SYT2: variants seen among roughly 807,000 people sequenced by gnomAD.
The protein encoded by SYT2 is synaptotagmin-2.
SYT2 carries 15 observed loss-of-function variants against 39.9 expected under a neutral mutation model. That is an observed-to-expected ratio of 0.38 (90% CI 0.25 to 0.58). The LOEUF (loss-of-function observed/expected upper bound fraction) is 0.58. Ranked by LOEUF, SYT2 falls within the 20% of genes least tolerant of loss-of-function variation. The probability of loss-of-function intolerance (pLI) is 0.70; values close to 1 mark genes in which losing one functional copy is unlikely to be tolerated. For synonymous variants in SYT2, 181 were observed against 204.5 expected (o/e 0.89, Z 0.98); for missense variants, 389 against 530.3 (o/e 0.73, Z 2.62).
At chr1:202,629,338 C>A (rs1042225672) in intron 1 of SYT2, among the ~76,000 whole-genome samples, 1 of 152,174 alleles carries the variant, frequency 6.6e-6, no homozygotes, top group African/African-American at 2.4e-5. Flanking sequence ...AAGGCTTTCC[C>A]CCTCCTCCAG....
intron 1 of SYT2, among the ~76,000 whole-genome samples, chr1:202,680,399 A>G (rs1488706237): frequency 1.3e-5 from 2 of 152,174 alleles, no homozygotes; most frequent in African/African-American, 4.8e-5. Flanking sequence ...ACTGTTGGCC[A>G]GGTATGGAGG....
chr1:202,625,117 TATGTGTGTCGTGTGTGTGGC>T lies in SYT2; in HGVS notation c.-17-19348_-17-19329del, dbSNP rs1691350260. On this transcript the variant is annotated intron_variant, in intron 1 of 8. Transcript: ENST00000367268. Reference sequence around the variant, plus strand: ...TGTGGTATGTGTGTGGTGTGTGTGGTATGTGTGTCGTGTGTGTGGCGTGTAATAGGGTGTGTGGTGTGTCT... The same window carrying T: ...TGTGGTATGTGTGTGGTGTGTGTGGTGTGTAATAGGGTGTGTGGTGTGTCT... Among the ~76,000 whole-genome samples the T allele has an allele frequency of 0.014, 21 of 1,484 alleles. 6 individuals are homozygous for T. The Admixed American group carries it at 0.15, about 10-fold the overall frequency. 1.0% of individuals were successfully genotyped at this position (1,484 alleles called of 152,430 possible).
chr1:202,637,575 G>A (rs1691773906), intron 1 of SYT2, among the ~76,000 whole-genome samples: 1 of 152,226 alleles, frequency 6.6e-6, no homozygotes, highest in South Asian at 2.1e-4. Flanking sequence ...CCGAGCAGTG[G>A]GGAGCAGGTT....
chr1:202,638,119 G>A (rs1490063633), intron 1 of SYT2, among the ~76,000 whole-genome samples: 1 of 152,194 alleles, frequency 6.6e-6, no homozygotes, highest in Non-Finnish European at 1.5e-5. Flanking sequence ...TGCACCCTTT[G>A]TTAAATTGCT....
intron 1 of SYT2, among the ~76,000 whole-genome samples, chr1:202,671,345 C>A (rs1692587006): frequency 6.6e-6 from 1 of 152,220 alleles, no homozygotes; most frequent in Non-Finnish European, 1.5e-5. Flanking sequence ...CAGCACAGCA[C>A]CAGGGCAGCC....
At chr1:202,649,671 C>T (rs998288664) in intron 1 of SYT2, among the ~76,000 whole-genome samples, 4 of 152,198 alleles carry the variant, frequency 2.6e-5, no homozygotes, top group African/African-American at 9.7e-5. Flanking sequence ...GATACAGGTG[C>T]CTCCTTCCTC....
chr1:202,604,702 G>A lies in SYT2; in HGVS notation c.179-81C>T, dbSNP rs1414422425. ...CCCCGTAGCATTGGGAAAAATGGGT[G>A]AGGAATATGACTGCCATCCCACAAT... On this transcript the variant is annotated intron_variant, in intron 2 of 8. Coordinates refer to ENST00000367268, the MANE Select transcript of SYT2 (RefSeq NM_177402.5). 7 of 1,409,906 alleles carry A rather than the reference G, an allele frequency of 5.0e-6. No individual in the cohort carries two copies. In the African/African-American group the frequency reaches 5.7e-5, roughly 11 times the overall value. The allele number at this position is 1,409,906 out of a possible 1,614,324, so 87.3% of individuals were successfully genotyped here.
At chr1:202,622,438 C>T (rs1691227561) in intron 1 of SYT2, among the ~76,000 whole-genome samples, 1 of 152,142 alleles carries the variant, frequency 6.6e-6, no homozygotes, top group Admixed American at 6.5e-5. Context: ...CTTGACTGGC[C>T]CTGGGGAAGC....
In SYT2 at chr1:202,594,396, G is replaced by A. The variant is rs1690219340; in HGVS notation, c.*2361C>T. 6.6e-6 allele frequency: 1 copy of A among 152,244 alleles called. No homozygotes were observed. The highest frequency in any genetic ancestry group is 1.5e-5 in the Non-Finnish European group (1 of 68,082). The allele number at this position is 152,244 out of a possible 1,614,324, so 9.4% of individuals were successfully genotyped here. A position where few individuals can be genotyped will look rare whatever the true frequency, so the allele number is the denominator to read the frequency against. ...ATCCAGGTGGTAGAAGATGAATTGG[G>A]AAAGGGCAAAGGAGTAAAGGTAGAG... On this transcript the variant is annotated 3_prime_UTR_variant, in exon 9 of 9. Coordinates refer to ENST00000367268, the MANE Select transcript of SYT2 (RefSeq NM_177402.5).
At chr1:202,709,619 T>A (rs548550871) in intron 1 of SYT2, among the ~76,000 whole-genome samples, 1 of 152,204 alleles carries the variant, frequency 6.6e-6, no homozygotes, top group Admixed American at 6.5e-5. Flanking sequence ...TAGGTCGTGC[T>A]GAGTCATGAG....
rs1692258099 is a variant in SYT2 at position 202,655,148 on chromosome 1, C to A, written c.-17-49359G>T. Among the ~76,000 whole-genome samples the A allele has an allele frequency of 2.0e-5, 3 of 152,098 alleles. No individual in the cohort carries two copies. In the South Asian group the frequency reaches 6.2e-4, roughly 32 times the overall value. On this transcript the variant is annotated intron_variant, in intron 1 of 8. Transcript: ENST00000367268. ...TGTCAAAGTGGAGTCGCTGAACATG[C>A]AGATAGGTGAGCAAGTGGGCTTAGA...
chr1:202,599,399 G>T lies in SYT2; in HGVS notation c.920-48C>A. ...CCAGAGAGGTTCCCCTTAGCCCCCA[G>T]CCTTCCTGCCGAATGTACCAAGGCC... On this transcript the variant is annotated intron_variant, in intron 7 of 8. Coordinates refer to ENST00000367268, the MANE Select transcript of SYT2 (RefSeq NM_177402.5). The surrounding 1 kb of genome is among the most constrained non-coding windows in gnomAD (Gnocchi z 4.4). 6.4e-7 allele frequency: 1 copy of T among 1,550,658 alleles called. No individual in the cohort carries two copies. The highest frequency in any genetic ancestry group is 1.3e-5 in the South Asian group (1 of 78,894).
intron 1 of SYT2, among the ~76,000 whole-genome samples, chr1:202,681,453 G>A (rs1048871965): frequency 3.9e-5 from 6 of 152,186 alleles, no homozygotes; most frequent in Non-Finnish European, 7.4e-5. Flanking sequence ...CCATGGCCCC[G>A]CTGGCAGCAG....
At chr1:202,653,202 T>G (rs1194361580) in intron 1 of SYT2, among the ~76,000 whole-genome samples, 2 of 152,152 alleles carry the variant, frequency 1.3e-5, no homozygotes, top group East Asian at 3.9e-4. Flanking sequence ...CCAACTCTCA[T>G]GCCTCTGTCC....
chr1:202,649,536 G>A (rs1558448412), intron 1 of SYT2, among the ~76,000 whole-genome samples: 2 of 152,184 alleles, frequency 1.3e-5, no homozygotes, highest in Admixed American at 6.5e-5. Flanking sequence ...GAAAACTGAG[G>A]TAAAGAGAGG....
chr1:202,676,466 C>G (rs1340593827), intron 1 of SYT2, among the ~76,000 whole-genome samples: 2 of 152,140 alleles, frequency 1.3e-5, no homozygotes, highest in Admixed American at 6.5e-5. Flanking sequence ...GCATGCAGAC[C>G]CTCATTCAAT....
intron 1 of SYT2, among the ~76,000 whole-genome samples, chr1:202,671,830 G>GC (rs1210526013): frequency 6.6e-6 from 1 of 152,128 alleles, no homozygotes; most frequent in Non-Finnish European, 1.5e-5. Context: ...CCCTAAGAAT[G>GC]CCCCCAGGCA....
At chr1:202,620,799 C>T (rs1161382583) in intron 1 of SYT2, among the ~76,000 whole-genome samples, 7 of 152,182 alleles carry the variant, frequency 4.6e-5, no homozygotes, top group African/African-American at 9.6e-5. Context: ...TGGGGTGAGA[C>T]GACCTCGCAC....
intron 1 of SYT2, among the ~76,000 whole-genome samples, chr1:202,615,653 G>A (rs1691012536): frequency 6.6e-6 from 1 of 152,186 alleles, no homozygotes; most frequent in Non-Finnish European, 1.5e-5. Flanking sequence ...GCCCCTGGCT[G>A]GCTCCCACAG....
Sources: gnomAD v4.1 joint callset for allele counts (sites outside exome capture counted in the v4.1 genomes callset) on GRCh38, gnomAD v4.1.1 for gene constraint, Gnocchi (gnomAD v3.1) non-coding constraint, MANE v1.5 for transcripts, NCBI Gene and HGNC (gene_info 2026-07-23, HGNC 2026-07-21) for gene names.